Variants in MRPL58 observed in about 807,000 individuals in gnomAD.
MRPL58 encodes large ribosomal subunit protein mL62.
In MRPL58, 17 loss-of-function variants were observed where a neutral mutation model predicts 26.0. That is an observed-to-expected ratio of 0.65 (90% CI 0.45 to 0.98). MRPL58 has a LOEUF of 0.98. MRPL58 is among the 50% of genes least tolerant of loss of function. MRPL58 has a pLI of 0.00. For synonymous variants in MRPL58, 100 were observed against 99.7 expected, an observed-to-expected ratio of 1.00 and a Z score of -0.02; for missense variants, 250 against 269.0, an observed-to-expected ratio of 0.93 and a Z score of 0.49.
chr17:75,019,327 C>T (rs977687748), intron 2 of MRPL58, among the ~76,000 whole-genome samples: 1 of 152,150 alleles, frequency 6.6e-6, no homozygotes, highest in Non-Finnish European at 1.5e-5. Context: ...GATCCCGAAG[C>T]GTTCCATTCC....
chr17:75,020,830 C>A, intron 5 of MRPL58, 91 bp from the exon 6 acceptor site: 1 of 1,237,292 alleles, frequency 8.1e-7, no homozygotes, highest in Non-Finnish European at 1.2e-6. Flanking sequence ...GGTGTAACTG[C>A]TCGGCTTCCC....
chr17:75,020,921 G>T lies in MRPL58; in HGVS notation c.537G>T (p.Arg179Ser). The change falls in exon 6 of 6, where the codon AGG (arginine) becomes AGT (serine). Residue 179 changes from arginine to serine, a missense_variant and splice_region_variant. Physicochemically the swap from Arg to Ser is moderately radical, Grantham distance 110. Transcript: ENST00000301585. ...CTAATTGCAGTCTTTTTGTTTTCAG[G>T]ATAGAAAACATGAATCGGGAAAGGC... ...TKEDVKLHRIRIENMNRERLR... is the reference protein window; with the variant it reads ...TKEDVKLHRISIENMNRERLR... The T allele has an allele frequency of 6.2e-7, 1 of 1,611,366 alleles. No homozygotes were observed. The highest frequency in any genetic ancestry group is 1.3e-5 in the African/African-American group (1 of 74,952).
intron 1 of MRPL58, among the ~76,000 whole-genome samples, chr17:75,014,826 A>G (rs1481552930): frequency 5.3e-5 from 8 of 152,166 alleles, no homozygotes; most frequent in Non-Finnish European, 1.2e-4. Context: ...TCATTTGTTC[A>G]TTCATTCAAT....
At chr17:75,020,814 C>T (rs913958231) in intron 5 of MRPL58, 107 bp from the exon 6 acceptor site, 6 of 1,185,756 alleles carry the variant, frequency 5.1e-6, no homozygotes, top group South Asian at 1.3e-5. Context: ...CGGGCTAGTG[C>T]CTGCTGGTGT....
intron 3 of MRPL58, 43 bp downstream of exon 3, chr17:75,019,802 T>C: frequency 6.6e-7 from 1 of 1,520,096 alleles, no homozygotes. Flanking sequence ...AAAATGTAGC[T>C]GGGAGATGGG....
At chr17:75,012,904 T>C (rs1385073475) in intron 1 of MRPL58, 32 bp downstream of exon 1, 3 of 1,581,524 alleles carry the variant, frequency 1.9e-6, no homozygotes, top group South Asian at 1.1e-5. Context: ...GGAAGGGGCG[T>C]TTTGTCAGGC....
intron 2 of MRPL58, among the ~76,000 whole-genome samples, chr17:75,019,005 A>G (rs2039995359): frequency 6.6e-6 from 1 of 151,868 alleles, no homozygotes; most frequent in Non-Finnish European, 1.5e-5. Context: ...CAGCTACTTG[A>G]GAGGCTGAGG....
chr17:75,014,331 G>A (rs1218329723), intron 1 of MRPL58, among the ~76,000 whole-genome samples: 9 of 144,944 alleles, frequency 6.2e-5, no homozygotes, highest in South Asian at 2.2e-4. Flanking sequence ...GACTACAGGC[G>A]CCCACCACTA....
chr17:75,019,550 T>C, intron 2 of MRPL58, 150 bp from the exon 3 acceptor site: 1 of 686,534 alleles, frequency 1.5e-6, no homozygotes, highest in South Asian at 1.7e-5. Flanking sequence ...TCTGCCACCG[T>C]GGTGCCACAG....
intron 1 of MRPL58, among the ~76,000 whole-genome samples, chr17:75,016,262 C>A (rs973285478): frequency 2.1e-5 from 3 of 143,056 alleles, no homozygotes; most frequent in Non-Finnish European, 3.0e-5. Flanking sequence ...AAAAAAAAAA[C>A]AACAATAGCT....
In MRPL58 at chr17:75,012,699, A is replaced by G. The variant is rs1352673278; in HGVS notation, c.13A>G (p.Arg5Gly). 1.9e-6 allele frequency: 3 copies of G among 1,556,198 alleles called. No homozygotes were observed. Among genetic ancestry groups the G allele is most frequent in the African/African-American group, 2.8e-5 (2 of 72,716 alleles). Residue 5 changes from arginine to glycine, a missense_variant, in exon 1 of 6, where the codon AGG becomes GGG. Arg to Gly is a moderately radical substitution (Grantham distance 125). Coordinates refer to ENST00000301585, the MANE Select transcript of MRPL58 (RefSeq NM_001545.3). MAAT[R>G]CLRWGLSRAG... ...GCAAGACCTGAGCATGGCGGCCACC[A>G]GGTGCCTGCGCTGGGGCCTGAGCCG...
At chr17:75,014,163 A>C (rs562051366) in intron 1 of MRPL58, among the ~76,000 whole-genome samples, 1 of 148,010 alleles carries the variant, frequency 6.8e-6, no homozygotes, top group East Asian at 2.0e-4. Context: ...ATAAAAGAGG[A>C]ATTGAAGTCT....
rs2039941263 is a variant in MRPL58 at position 75,012,761 on chromosome 17, C to T, written c.75C>T (p.Cys25=). Residue 25 remains cysteine, a synonymous_variant, in exon 1 of 6, where the codon TGC becomes TGT. Coordinates refer to ENST00000301585, the MANE Select transcript of MRPL58 (RefSeq NM_001545.3). ...GGCTGCTCCCACCGCCCGCACGGTG[C>T]CCACGCCGGGCGCTGCACAAGCAGA... ...GVWLLPPPAR[C]PRRALHKQKD... 6.3e-7 allele frequency: 1 copy of T among 1,595,580 alleles called. No homozygotes were observed. Among genetic ancestry groups the T allele is most frequent in the African/African-American group, 1.3e-5 (1 of 74,476 alleles).
chr17:75,014,280 G>A (rs1398347596), intron 1 of MRPL58, among the ~76,000 whole-genome samples: 3 of 146,720 alleles, frequency 2.0e-5, no homozygotes, highest in African/African-American at 7.5e-5. Context: ...CCGCCTCCCG[G>A]GTTCACGCCA....
chr17:75,013,185 C>T (rs1361937280), intron 1 of MRPL58, among the ~76,000 whole-genome samples: 3 of 152,204 alleles, frequency 2.0e-5, no homozygotes, highest in Non-Finnish European at 2.9e-5. Flanking sequence ...CCCTCCAAGG[C>T]GGACAATAAA....
chr17:75,017,487 G>A (rs891119098), intron 2 of MRPL58, among the ~76,000 whole-genome samples: 8 of 152,072 alleles, frequency 5.3e-5, no homozygotes, highest in Non-Finnish European at 1.2e-4. Flanking sequence ...AGTGGCTCAC[G>A]CCTATAATTC....
Position 75,014,267 on chromosome 17 carries a change from G to C in MRPL58, c.186+1395G>C, listed in dbSNP as rs185405148. On this transcript the variant is annotated intron_variant, in intron 1 of 5. Coordinates refer to ENST00000301585, the MANE Select transcript of MRPL58 (RefSeq NM_001545.3). ...GTGATGCAATCTCTGTTCACTGCAA[G>C]CTCCGCCTCCCGGGTTCACGCCATT... Among the ~76,000 whole-genome samples, 342 of 132,210 alleles carry C rather than the reference G, an allele frequency of 2.6e-3. 3 individuals are homozygous for C. The highest frequency in any genetic ancestry group is 9.1e-3 in the African/African-American group (319 of 34,998). 86.7% of individuals were successfully genotyped at this position (132,210 alleles called of 152,430 possible). A position where few individuals can be genotyped will look rare whatever the true frequency, so the allele number is the denominator to read the frequency against.
intron 2 of MRPL58, among the ~76,000 whole-genome samples, chr17:75,019,354 A>G (rs558232821): frequency 3.9e-5 from 6 of 152,318 alleles, no homozygotes; most frequent in Admixed American, 6.5e-5. Context: ...GACTTTGGTC[A>G]GCTGCAGCTC....
Position 75,017,109 on chromosome 17 carries a change from C to G in MRPL58, c.218C>G (p.Pro73Arg). The change falls in exon 2 of 6, where the codon CCT (proline) becomes CGT (arginine). Residue 73 changes from proline to arginine, a missense_variant. Pro to Arg is a moderately radical substitution (Grantham distance 103). Transcript: ENST00000301585. ...GCAAAGCAAGCCGACAGTGACATCC[C>G]TCTAGGTAAGTAATTTTGTTTTCTT... ...NGAKQADSDI[P>R]LDRLTISYCR... The G allele has an allele frequency of 6.2e-7, 1 of 1,611,838 alleles. No homozygotes were observed. Among genetic ancestry groups the G allele is most frequent in the Non-Finnish European group, 8.5e-7 (1 of 1,177,944 alleles).
Sources: gnomAD v4.1 joint callset for allele counts (sites outside exome capture counted in the v4.1 genomes callset) on GRCh38, gnomAD v4.1.1 for gene constraint, MANE v1.5 for transcripts, NCBI Gene and HGNC (gene_info 2026-07-23, HGNC 2026-07-21) for gene names.